The following ADAMTSL1 variants were observed in gnomAD, a reference collection of about 807,000 sequenced individuals.
ADAMTSL1 encodes the protein ADAMTS like 1.
Under a neutral mutation model 201.8 loss-of-function variants are expected in ADAMTSL1, and 126 were observed. That is an observed-to-expected ratio of 0.62 (90% CI 0.54 to 0.72). ADAMTSL1 has a LOEUF of 0.72. ADAMTSL1 is among the 30% of genes least tolerant of loss of function. The pLI is 0.00. For synonymous variants in ADAMTSL1, 1,121 were observed against 903.4 expected (o/e 1.24, Z -4.32); for missense variants, 2,679 against 2,277.8 (o/e 1.18, Z -3.59).
chr9:18,085,511 T>TATATATATATACTGTGTGTGC (rs1563990755), intron 1 of ADAMTSL1, among the ~76,000 whole-genome samples: 1 of 150,844 alleles, frequency 6.6e-6, no homozygotes, highest in African/African-American at 2.4e-5. Context: ...TGTGTGTGCA[T>TATATATATATACTGTGTGTGC]ATATATATAC....
intron 13 of ADAMTSL1, among the ~76,000 whole-genome samples, chr9:18,685,818 T>C (rs1490714537): frequency 6.6e-6 from 1 of 152,188 alleles, no homozygotes; most frequent in East Asian, 1.9e-4. Flanking sequence ...ATCCAAAATA[T>C]AGATTTGTAC....
intron 14 of ADAMTSL1, among the ~76,000 whole-genome samples, chr9:18,714,947 T>C (rs368464278): frequency 6.9e-6 from 1 of 144,506 alleles, no homozygotes; most frequent in African/African-American, 2.5e-5. Flanking sequence ...GTTCAATATA[T>C]GCAAATCAAT....
chr9:17,930,076 C>T (rs1826715794), intron 1 of ADAMTSL1, among the ~76,000 whole-genome samples: 1 of 152,076 alleles, frequency 6.6e-6, no homozygotes, highest in African/African-American at 2.4e-5. Flanking sequence ...CACCTATGTT[C>T]GTATGTTATT....
intron 6 of ADAMTSL1, among the ~76,000 whole-genome samples, chr9:18,637,289 C>T (rs1046998330): frequency 2.6e-5 from 4 of 152,022 alleles, no homozygotes; most frequent in African/African-American, 9.7e-5. Flanking sequence ...CATTTTTCCC[C>T]ATTTGAGAAC....
chr9:18,431,827 C>T (rs889201611), intron 2 of ADAMTSL1, among the ~76,000 whole-genome samples: 5 of 152,138 alleles, frequency 3.3e-5, no homozygotes, highest in African/African-American at 1.2e-4. Flanking sequence ...CAGGACTGAG[C>T]ATGGTACTCA....
chr9:18,618,049 C>T (rs1825809403), intron 4 of ADAMTSL1, among the ~76,000 whole-genome samples: 1 of 152,166 alleles, frequency 6.6e-6, no homozygotes, highest in Admixed American at 6.6e-5. Flanking sequence ...ACTCAGTGAC[C>T]TAAACATTGC....
chr9:18,188,873 C>T (rs774050282), intron 2 of ADAMTSL1, among the ~76,000 whole-genome samples: 1 of 152,174 alleles, frequency 6.6e-6, no homozygotes, highest in Non-Finnish European at 1.5e-5. Flanking sequence ...CTGTTGGCAT[C>T]GTTTTTCATT....
At chr9:18,494,714 C>A in intron 1 of ADAMTSL1, among the ~76,000 whole-genome samples, 1 of 152,202 alleles carries the variant, frequency 6.6e-6, no homozygotes, top group Non-Finnish European at 1.5e-5. Flanking sequence ...TCCAATGGCT[C>A]TTCACCTTTT....
intron 3 of ADAMTSL1, among the ~76,000 whole-genome samples, chr9:18,562,139 T>C (rs193016352): frequency 6.6e-5 from 10 of 152,342 alleles, no homozygotes; most frequent in African/African-American, 2.2e-4. Flanking sequence ...CAATTTGGTA[T>C]GTTTTTGCAT....
At chr9:18,365,713 C>T (rs1836737190) in intron 2 of ADAMTSL1, among the ~76,000 whole-genome samples, 1 of 151,992 alleles carries the variant, frequency 6.6e-6, no homozygotes, top group Admixed American at 6.6e-5. Flanking sequence ...TGGGGGAGCA[C>T]GATTTACGGC....
chr9:18,428,694 A>G (rs914853247), intron 2 of ADAMTSL1, among the ~76,000 whole-genome samples: 2 of 152,242 alleles, frequency 1.3e-5, no homozygotes, highest in Non-Finnish European at 2.9e-5. Flanking sequence ...ATTGTGCTAC[A>G]TATAAAAATG....
chr9:18,123,629 A>G (rs1825601273), intron 1 of ADAMTSL1, among the ~76,000 whole-genome samples: 1 of 152,234 alleles, frequency 6.6e-6, no homozygotes. Context: ...TACATATCAT[A>G]AGATTTCCCT....
chr9:18,310,826 C>G (rs1187857219), intron 2 of ADAMTSL1, among the ~76,000 whole-genome samples: 1 of 152,110 alleles, frequency 6.6e-6, no homozygotes, highest in East Asian at 1.9e-4. Context: ...ACCAGAAATA[C>G]CATTTGACTC....
intron 2 of ADAMTSL1, among the ~76,000 whole-genome samples, chr9:18,175,347 C>A (rs867136286): frequency 1.3e-5 from 2 of 152,218 alleles, no homozygotes; most frequent in Non-Finnish European, 2.9e-5. Flanking sequence ...CACCAGCTGG[C>A]TGCCCATCCA....
At chr9:18,899,176 A>T (rs991018475) in intron 26 of ADAMTSL1, among the ~76,000 whole-genome samples, 1 of 152,226 alleles carries the variant, frequency 6.6e-6, no homozygotes, top group Admixed American at 6.5e-5. Context: ...GAGCCAAATC[A>T]TGAATGAACT....
chr9:18,137,001 T>TGGGAA (rs1694329538), intron 1 of ADAMTSL1, among the ~76,000 whole-genome samples: 3 of 152,068 alleles, frequency 2.0e-5, no homozygotes, highest in African/African-American at 7.2e-5. Context: ...CTGAGTATCA[T>TGGGAA]GGGAAGGGAA....
chr9:18,076,151 C>A (rs571740658), intron 1 of ADAMTSL1, among the ~76,000 whole-genome samples: 2 of 152,166 alleles, frequency 1.3e-5, no homozygotes, highest in African/African-American at 4.8e-5. Context: ...GATCTATTCC[C>A]GTGGTTTCAC....
intron 2 of ADAMTSL1, among the ~76,000 whole-genome samples, chr9:18,199,748 C>T (rs1461934503): frequency 6.6e-6 from 1 of 152,038 alleles, no homozygotes; most frequent in Non-Finnish European, 1.5e-5. Flanking sequence ...TATGCTGATC[C>T]TCCAAGGTAG....
At chr9:18,561,907 A>G (rs185033390) in intron 3 of ADAMTSL1, among the ~76,000 whole-genome samples, 131 of 152,092 alleles carry the variant, frequency 8.6e-4, no homozygotes, top group African/African-American at 3.0e-3. Flanking sequence ...TTTTGAGCCT[A>G]TGTGTGTCCT....
Sources: allele counts gnomAD v4.1 joint callset (sites outside exome capture counted in the v4.1 genomes callset), GRCh38; gene constraint gnomAD v4.1.1; transcripts MANE v1.5; gene names NCBI Gene and HGNC (gene_info 2026-07-23, HGNC 2026-07-21).